The following TANGO6 variants were observed in gnomAD, a reference collection of about 807,000 sequenced individuals.
The protein encoded by TANGO6 is transport and Golgi organization protein 6 homolog.
In TANGO6, 90 loss-of-function variants were observed where a neutral mutation model predicts 114.2. The observed-to-expected ratio is 0.79, with a 90% CI of 0.66 to 0.94. The LOEUF (loss-of-function observed/expected upper bound fraction) is 0.94, where lower values mean the gene tolerates loss of function less well. Among genes scored for constraint, TANGO6 ranks in the 40% least tolerant of loss-of-function variants. TANGO6 has a pLI of 0.00. For synonymous variants in TANGO6, 477 were observed against 509.8 expected, an observed-to-expected ratio of 0.94 and a Z score of 0.87; for missense variants, 1,274 against 1,315.3, an observed-to-expected ratio of 0.97 and a Z score of 0.49.
intron 14 of TANGO6, among the ~76,000 whole-genome samples, chr16:68,958,901 G>A (rs1963561833): frequency 1.3e-5 from 2 of 152,120 alleles, no homozygotes; most frequent in African/African-American, 4.8e-5. Context: ...TCATGCCACT[G>A]CACTCCAGTC....
chr16:68,974,676 A>T (rs527563298), intron 15 of TANGO6, among the ~76,000 whole-genome samples: 2 of 151,604 alleles, frequency 1.3e-5, no homozygotes, highest in East Asian at 3.9e-4. Flanking sequence ...TAACAACAAC[A>T]AAAAAAACTG....
rs562784788 is a variant in TANGO6 at position 68,881,889 on chromosome 16, A to C, written c.1377+1259A>C. Among the ~76,000 whole-genome samples, 24 of 152,282 alleles carry C rather than the reference A, an allele frequency of 1.6e-4. No homozygotes were observed. In the South Asian group the frequency reaches 5.0e-3, roughly 32 times the overall value. ...AGGCCCAGTGTGGTGGCTTATGCCT[A>C]TAATTCTAGCACTTTGGGAGGCCAA... On this transcript the variant is annotated intron_variant, in intron 7 of 17. Coordinates refer to ENST00000261778, the MANE Select transcript of TANGO6 (RefSeq NM_024562.2).
intron 12 of TANGO6, among the ~76,000 whole-genome samples, chr16:68,922,207 T>C (rs1395014328): frequency 2.0e-5 from 3 of 151,746 alleles, no homozygotes; most frequent in South Asian, 2.1e-4. Flanking sequence ...AAAGCATGTA[T>C]TTAAGACTGC....
chr16:68,914,787 T>C (rs1962975272), intron 11 of TANGO6, among the ~76,000 whole-genome samples: 1 of 151,924 alleles, frequency 6.6e-6, no homozygotes, highest in Non-Finnish European at 1.5e-5. Context: ...GTAGGGGGTT[T>C]TGGGGTTAAC....
At chr16:68,894,400 GCAGCTGGC>G (rs373302063) in intron 7 of TANGO6, among the ~76,000 whole-genome samples, 117 of 152,234 alleles carry the variant, frequency 7.7e-4, no homozygotes, top group Middle Eastern at 3.4e-3. Context: ...GTCCTTGGAA[GCAGCTGGC>G]CAGAGTATAC....
intron 17 of TANGO6, among the ~76,000 whole-genome samples, chr16:69,050,333 C>G (rs1377125420): frequency 1.3e-5 from 2 of 151,936 alleles, no homozygotes; most frequent in African/African-American, 4.8e-5. Context: ...AGATGTTGAG[C>G]TTGTTAGGTT....
At chr16:69,059,666 C>T (rs1008792586) in intron 17 of TANGO6, among the ~76,000 whole-genome samples, 19 of 152,096 alleles carry the variant, frequency 1.2e-4, no homozygotes, top group African/African-American at 4.6e-4. Context: ...ACTACAGGTG[C>T]ACAACCACCA....
At chr16:68,844,016 G>A (rs1410449047) in intron 1 of TANGO6, among the ~76,000 whole-genome samples, 1 of 152,162 alleles carries the variant, frequency 6.6e-6, no homozygotes, top group African/African-American at 2.4e-5. Flanking sequence ...AGCGCTCTTG[G>A]GAGGGGGATA....
intron 4 of TANGO6, among the ~76,000 whole-genome samples, chr16:68,871,139 CT>C (rs1962261773): frequency 6.6e-6 from 1 of 152,018 alleles, no homozygotes; most frequent in African/African-American, 2.4e-5. Flanking sequence ...TCTAGTTCAT[CT>C]TCCTTTTTGA....
intron 16 of TANGO6, among the ~76,000 whole-genome samples, chr16:69,024,733 A>G (rs897497641): frequency 1.6e-4 from 24 of 152,340 alleles, no homozygotes; most frequent in African/African-American, 4.6e-4. Flanking sequence ...ACCAATGTAC[A>G]TGACCATCTT....
Position 68,867,113 on chromosome 16 carries a change from G to T in TANGO6, c.887G>T (p.Arg296Leu). 1 of 1,613,330 alleles carries T rather than the reference G, an allele frequency of 6.2e-7. No homozygotes were observed. Among genetic ancestry groups the T allele is most frequent in the South Asian group, 1.1e-5 (1 of 91,062 alleles). Residue 296 changes from arginine (R) to leucine (L), a missense_variant, in exon 4 of 18, where the codon CGG (arginine) becomes CTG (leucine). Physicochemically the swap from Arg to Leu is moderately radical, Grantham distance 102. This residue lies in a region of TANGO6 where 908 missense variants were observed against 910.2 expected (regional missense o/e 1.00). Transcript: ENST00000261778. Reference sequence around the variant, plus strand: ...GATGTGAAGACACAGATGAGGTGTCGGGCCCCAGCTTGGCTTCGGCGTCTA... The same window carrying T: ...GATGTGAAGACACAGATGAGGTGTCTGGCCCCAGCTTGGCTTCGGCGTCTA... ...CTDVKTQMRC[R>L]APAWLRRLCG...
intron 7 of TANGO6, among the ~76,000 whole-genome samples, chr16:68,883,408 AAT>A (rs1488483340): frequency 6.6e-6 from 1 of 152,234 alleles, no homozygotes; most frequent in Non-Finnish European, 1.5e-5. Flanking sequence ...GGAATTGTAC[AAT>A]ATGTGTTTTT....
At chr16:68,934,256 C>T (rs564488528) in intron 14 of TANGO6, among the ~76,000 whole-genome samples, 2 of 152,038 alleles carry the variant, frequency 1.3e-5, no homozygotes, top group African/African-American at 4.8e-5. Context: ...CACTATGTTG[C>T]CCAGGCTCAA....
At chr16:69,061,744 G>T (rs552902804) in intron 17 of TANGO6, among the ~76,000 whole-genome samples, 2 of 151,088 alleles carry the variant, frequency 1.3e-5, no homozygotes, top group South Asian at 2.1e-4. Context: ...CCGGCCGGGC[G>T]CGCGGTGGCT....
intron 15 of TANGO6, among the ~76,000 whole-genome samples, chr16:69,022,125 A>G (rs1959418842): frequency 6.6e-6 from 1 of 151,878 alleles, no homozygotes; most frequent in Non-Finnish European, 1.5e-5. Flanking sequence ...TGACCTCGTG[A>G]TCCGCCCACC....
chr16:69,013,956 C>T (rs1426332254), intron 15 of TANGO6, among the ~76,000 whole-genome samples: 1 of 152,080 alleles, frequency 6.6e-6, no homozygotes, highest in African/African-American at 2.4e-5. Flanking sequence ...CCGTGCCTGG[C>T]CCCCAAGTTC....
At chr16:68,981,694 A>G (rs1363419601) in intron 15 of TANGO6, among the ~76,000 whole-genome samples, 1 of 152,216 alleles carries the variant, frequency 6.6e-6, no homozygotes, top group Non-Finnish European at 1.5e-5. Context: ...GCGATTGCCT[A>G]GAGAATTAAT....
chr16:68,890,746 C>T (rs1007030160), intron 7 of TANGO6, among the ~76,000 whole-genome samples: 1 of 151,308 alleles, frequency 6.6e-6, no homozygotes, highest in African/African-American at 2.4e-5. Context: ...TTAGGCCAGG[C>T]GTGGTGGCTC....
intron 14 of TANGO6, among the ~76,000 whole-genome samples, chr16:68,951,272 G>A (rs1963468326): frequency 7.0e-6 from 1 of 143,422 alleles, no homozygotes. Context: ...GCAGCAAGCT[G>A]TGATCATACA....
Sources: gnomAD v4.1 joint callset for allele counts (sites outside exome capture counted in the v4.1 genomes callset) on GRCh38, gnomAD v4.1.1 for gene constraint, gnomAD v4.1.1 regional missense constraint, MANE v1.5 for transcripts, NCBI Gene and HGNC (gene_info 2026-07-23, HGNC 2026-07-21) for gene names.